RYR3: variants seen among roughly 807,000 people sequenced by gnomAD.
RYR3 encodes the protein brain ryanodine receptor-calcium release channel.
RYR3 carries 207 observed loss-of-function variants against 584.3 expected under a neutral mutation model. The ratio of observed to expected loss-of-function variants is 0.35; its 90% confidence interval spans 0.32 to 0.40. RYR3 has a LOEUF of 0.40. Among genes scored for constraint, RYR3 ranks in the 10% least tolerant of loss-of-function variants. The probability of loss-of-function intolerance (pLI) is 1.00; values close to 1 mark genes in which losing one functional copy is unlikely to be tolerated. For missense variants in RYR3, 5,616 were observed against 6,089.2 expected, an observed-to-expected ratio of 0.92 and a Z score of 2.59; for synonymous variants, 2,416 against 2,248.5, an observed-to-expected ratio of 1.07 and a Z score of -2.11.
intron 1 of RYR3, among the ~76,000 whole-genome samples, chr15:33,468,285 A>T (rs1361469526): frequency 3.3e-5 from 5 of 152,212 alleles, no homozygotes; most frequent in Non-Finnish European, 5.9e-5. Context: ...ACTGTTATTA[A>T]ATGTACCTAA....
At chr15:33,425,730 C>G (rs951442254) in intron 1 of RYR3, among the ~76,000 whole-genome samples, 2 of 151,272 alleles carry the variant, frequency 1.3e-5, no homozygotes, top group African/African-American at 4.9e-5. Flanking sequence ...CAAGCTCCGC[C>G]TCCCGGGTTC....
chr15:33,566,240 G>T (rs2057708091), intron 11 of RYR3, among the ~76,000 whole-genome samples: 1 of 152,162 alleles, frequency 6.6e-6, no homozygotes, highest in Non-Finnish European at 1.5e-5. Flanking sequence ...GAGAAACCAA[G>T]CCTAATCCCA....
At chr15:33,697,451 A>G (rs2065929361) in intron 39 of RYR3, among the ~76,000 whole-genome samples, 1 of 152,196 alleles carries the variant, frequency 6.6e-6, no homozygotes, top group Non-Finnish European at 1.5e-5. Flanking sequence ...GTACACAGCA[A>G]ATTACCAGGC....
intron 72 of RYR3, 31 bp downstream of exon 72, chr15:33,811,068 C>G: frequency 6.3e-7 from 1 of 1,580,008 alleles, no homozygotes; most frequent in Non-Finnish European, 8.6e-7. Flanking sequence ...TGAGAACTCA[C>G]ACCGGCTTTC....
chr15:33,713,950 A>G (rs543894893), intron 43 of RYR3, among the ~76,000 whole-genome samples: 1 of 152,182 alleles, frequency 6.6e-6, no homozygotes, highest in East Asian at 1.9e-4. Context: ...GACAGTTAGG[A>G]TTTCAACATG....
chr15:33,781,101 T>C (rs371119452), intron 65 of RYR3, among the ~76,000 whole-genome samples: 1 of 152,214 alleles, frequency 6.6e-6, no homozygotes, highest in African/African-American at 2.4e-5. Flanking sequence ...TTTTCCACCC[T>C]CTTTTGTAAA....
chr15:33,334,909 C>G (rs1970779890), intron 1 of RYR3, among the ~76,000 whole-genome samples: 1 of 151,896 alleles, frequency 6.6e-6, no homozygotes, highest in Non-Finnish European at 1.5e-5. Flanking sequence ...TACATGCAGT[C>G]AACAAACATG....
At chr15:33,366,545 G>C (rs1975523736) in intron 1 of RYR3, among the ~76,000 whole-genome samples, 1 of 152,200 alleles carries the variant, frequency 6.6e-6, no homozygotes, top group South Asian at 2.1e-4. Context: ...ATCTGAACAA[G>C]AATTAAGGGT....
chr15:33,316,919 G>C (rs558464581), intron 1 of RYR3, among the ~76,000 whole-genome samples: 1 of 152,166 alleles, frequency 6.6e-6, no homozygotes, highest in Non-Finnish European at 1.5e-5. Flanking sequence ...CTCACCCCAG[G>C]ATCTCTGGGC....
chr15:33,805,879 C>T (rs574592262), intron 69 of RYR3, among the ~76,000 whole-genome samples: 17 of 152,076 alleles, frequency 1.1e-4, no homozygotes, highest in East Asian at 3.9e-4. Flanking sequence ...CACACGGGAA[C>T]GCACACTCAT....
At chr15:33,478,374 C>T (rs2049624275) in intron 2 of RYR3, among the ~76,000 whole-genome samples, 1 of 152,150 alleles carries the variant, frequency 6.6e-6, no homozygotes, top group African/African-American at 2.4e-5. Flanking sequence ...AAAAGCCTCA[C>T]GTACCATAGG....
chr15:33,463,509 C>G (rs558647493), intron 1 of RYR3, among the ~76,000 whole-genome samples: 1 of 152,144 alleles, frequency 6.6e-6, no homozygotes, highest in East Asian at 1.9e-4. Context: ...TTTTTCCAAC[C>G]TATGAGAATA....
At chr15:33,561,217 G>A (rs1448754465) in intron 10 of RYR3, among the ~76,000 whole-genome samples, 2 of 152,104 alleles carry the variant, frequency 1.3e-5, no homozygotes, top group Non-Finnish European at 2.9e-5. Context: ...TTTTTTCATA[G>A]CCTGACAAAA....
At chr15:33,458,620 T>C (rs2047759104) in intron 1 of RYR3, among the ~76,000 whole-genome samples, 1 of 152,208 alleles carries the variant, frequency 6.6e-6, no homozygotes. Context: ...AGTTCATGAT[T>C]CCCTAGTTCT....
chr15:33,672,511 T>A (rs4780147), intron 38 of RYR3, among the ~76,000 whole-genome samples: 119,748 of 152,194 alleles, frequency 0.79, 49,024 homozygotes, highest in East Asian at 0.92. Context: ...ATCAGGCATG[T>A]TTGGCTTCTC....
rs773188211 is a variant in RYR3 at position 33,586,066 on chromosome 15, C to T, written c.1738C>T (p.His580Tyr). 1.2e-6 allele frequency: 2 copies of T among 1,613,594 alleles called. No individual in the cohort carries two copies. The highest frequency in any genetic ancestry group is 1.7e-6 in the Non-Finnish European group (2 of 1,179,576). The change falls in exon 16 of 104, where the codon CAC becomes TAC. Residue 580 changes from histidine (H) to tyrosine (Y), a missense_variant. His to Tyr is a moderately conservative substitution (Grantham distance 83, BLOSUM62 2). Coordinates refer to ENST00000634891, the MANE Select transcript of RYR3 (RefSeq NM_001036.6). ...PEALNLIAEGHIKSIISLLDK... is the reference protein window; with the variant it reads ...PEALNLIAEGYIKSIISLLDK... ...AGCCTTAAATCTGATAGCGGAGGGC[C>T]ACATCAAGTCGATCATCTCCCTGTT...
chr15:33,342,135 C>T (rs1304584978), intron 1 of RYR3, among the ~76,000 whole-genome samples: 2 of 152,168 alleles, frequency 1.3e-5, no homozygotes, highest in Non-Finnish European at 2.9e-5. Flanking sequence ...GTCCTGCCCC[C>T]ACAGCTGTAG....
chr15:33,760,397 G>A (rs2152866239), intron 60 of RYR3, among the ~76,000 whole-genome samples: 1 of 152,162 alleles, frequency 6.6e-6, no homozygotes, highest in Non-Finnish European at 1.5e-5. Context: ...CAAAATAAAG[G>A]GATGGAGAAA....
chr15:33,379,864 C>T (rs1028318296), intron 1 of RYR3, among the ~76,000 whole-genome samples: 21 of 151,940 alleles, frequency 1.4e-4, no homozygotes, highest in African/African-American at 4.4e-4. Flanking sequence ...AGTCTGTGAA[C>T]GAAGGCCCCA....
Sources: allele counts gnomAD v4.1 joint callset (sites outside exome capture counted in the v4.1 genomes callset), GRCh38; gene constraint gnomAD v4.1.1; transcripts MANE v1.5; gene names NCBI Gene and HGNC (gene_info 2026-07-23, HGNC 2026-07-21).